The following KHDRBS3 variants were observed in gnomAD, a reference collection of about 807,000 sequenced individuals.
KHDRBS3 encodes KH domain-containing, RNA-binding, signal transduction-associated protein 3.
In KHDRBS3, 23 loss-of-function variants were observed where a neutral mutation model predicts 45.6. The ratio of observed to expected loss-of-function variants is 0.50; its 90% CI spans 0.36 to 0.72. KHDRBS3 has a LOEUF of 0.72. KHDRBS3 is among the 30% of genes least tolerant of loss of function. The pLI is 0.00. For missense variants in KHDRBS3, 352 were observed against 424.8 expected (o/e 0.83, Z 1.51); for synonymous variants, 162 against 156.5 (o/e 1.04, Z -0.26).
rs187352497 is a variant in KHDRBS3, at chr8:135,504,140, A to G, written c.89-17097A>G. ...AAGTGCTGGCCTGTGATTTGAATGT[A>G]TGTTTTTATTAGTTTTTATTACTTC... On this transcript the variant is annotated intron_variant, in intron 1 of 8. Coordinates refer to ENST00000355849, the MANE Select transcript of KHDRBS3 (RefSeq NM_006558.3). Among the ~76,000 whole-genome samples, 54 of 152,160 alleles carry G rather than the reference A, an allele frequency of 3.5e-4. 1 individual carries two copies. In the East Asian group the frequency reaches 7.9e-3, roughly 22 times the overall value.
rs187084096 is a variant in KHDRBS3 at position 135,502,091 on chromosome 8, T to A, written c.89-19146T>A. On this transcript the variant is annotated intron_variant, in intron 1 of 8. Transcript: ENST00000355849. ...TTTAAGTTGTTTAACCTTAATAATA[T>A]TTGACACTAAGTCATCAGAACAGAA... Among the ~76,000 whole-genome samples the A allele has an allele frequency of 3.3e-5, 5 of 152,338 alleles. No individual in the cohort carries two copies. In the East Asian group the frequency reaches 9.6e-4, roughly 29 times the overall value.
intron 5 of KHDRBS3, among the ~76,000 whole-genome samples, chr8:135,573,308 A>G (rs1323226129): frequency 6.6e-6 from 1 of 152,242 alleles, no homozygotes; most frequent in African/African-American, 2.4e-5. Flanking sequence ...AAAATTTAGT[A>G]TGTGTTTACA....
chr8:135,586,382 T>C (rs1769757554), intron 6 of KHDRBS3, among the ~76,000 whole-genome samples: 1 of 152,144 alleles, frequency 6.6e-6, no homozygotes, highest in African/African-American at 2.4e-5. Flanking sequence ...TCTCTTCATC[T>C]TTGGAGAAAG....
intron 6 of KHDRBS3, among the ~76,000 whole-genome samples, chr8:135,595,823 A>G (rs1828947698): frequency 6.6e-6 from 1 of 152,212 alleles, no homozygotes; most frequent in African/African-American, 2.4e-5. Flanking sequence ...CTGGGAACAC[A>G]GTGGTCGACA....
intron 2 of KHDRBS3, among the ~76,000 whole-genome samples, chr8:135,523,718 A>G (rs534155493): frequency 7.3e-4 from 111 of 152,304 alleles, no homozygotes; most frequent in African/African-American, 2.6e-3. Context: ...ATTAAGAACA[A>G]TATTAGTTAC....
intron 7 of KHDRBS3, among the ~76,000 whole-genome samples, chr8:135,614,845 G>A (rs1829852988): frequency 6.6e-6 from 1 of 151,846 alleles, no homozygotes; most frequent in South Asian, 2.1e-4. Flanking sequence ...CAGTAGATAC[G>A]TGGACCACTG....
intron 6 of KHDRBS3, among the ~76,000 whole-genome samples, chr8:135,605,915 T>TTTG (rs761817462): frequency 3.3e-5 from 5 of 152,176 alleles, no homozygotes; most frequent in Non-Finnish European, 5.9e-5. Context: ...GTCTCAGTTT[T>TTTG]TTGTTGTTGT....
At chr8:135,645,670 T>C (rs1831252219) in intron 8 of KHDRBS3, among the ~76,000 whole-genome samples, 1 of 152,224 alleles carries the variant, frequency 6.6e-6, no homozygotes, top group African/African-American at 2.4e-5. Context: ...GTGGAGCTGG[T>C]AGAGATGCTG....
intron 5 of KHDRBS3, among the ~76,000 whole-genome samples, chr8:135,575,729 C>T (rs574254974): frequency 3.9e-5 from 6 of 152,114 alleles, no homozygotes; most frequent in Admixed American, 1.3e-4. Flanking sequence ...AGAGAGTTTT[C>T]GTATATCCTG....
intron 1 of KHDRBS3, among the ~76,000 whole-genome samples, chr8:135,486,869 T>C (rs902861787): frequency 1.3e-5 from 2 of 152,228 alleles, no homozygotes; most frequent in Non-Finnish European, 2.9e-5. Context: ...CAAATACTTA[T>C]TTTAAAACAA....
At chr8:135,555,023 C>T (rs1283615775) in intron 4 of KHDRBS3, among the ~76,000 whole-genome samples, 1 of 152,102 alleles carries the variant, frequency 6.6e-6, no homozygotes, top group African/African-American at 2.4e-5. Flanking sequence ...ATTTCTGTGG[C>T]TTACTGCTAT....
chr8:135,478,064 A>C (rs1204704930), intron 1 of KHDRBS3, among the ~76,000 whole-genome samples: 1 of 152,160 alleles, frequency 6.6e-6, no homozygotes, highest in East Asian at 1.9e-4. Context: ...TCTAGGTTGC[A>C]TGCTCCTTAT....
intron 7 of KHDRBS3, among the ~76,000 whole-genome samples, chr8:135,628,768 C>A (rs1247532815): frequency 2.0e-5 from 3 of 152,126 alleles, no homozygotes; most frequent in African/African-American, 7.2e-5. Flanking sequence ...AATCTGTCTT[C>A]CTGAGTTTTC....
intron 7 of KHDRBS3, among the ~76,000 whole-genome samples, chr8:135,627,621 A>G (rs376268104): frequency 1.3e-5 from 2 of 152,208 alleles, no homozygotes; most frequent in South Asian, 4.1e-4. Flanking sequence ...CTGAGATATA[A>G]TGTACATACA....
At chr8:135,649,074 C>T (rs1278961803), downstream of KHDRBS3, among the ~76,000 whole-genome samples, 1 of 152,002 alleles carries the variant, frequency 6.6e-6, no homozygotes, top group Admixed American at 6.6e-5. Flanking sequence ...TTTTATGAAA[C>T]AAATGATAAG....
chr8:135,491,756 A>G (rs1353718768), intron 1 of KHDRBS3, among the ~76,000 whole-genome samples: 5 of 152,152 alleles, frequency 3.3e-5, no homozygotes, highest in African/African-American at 1.2e-4. Context: ...ATGTTTTATA[A>G]TAAGACAACG....
At chr8:135,646,387 C>G (rs1174348436) in intron 8 of KHDRBS3, among the ~76,000 whole-genome samples, 3 of 152,130 alleles carry the variant, frequency 2.0e-5, no homozygotes, top group African/African-American at 4.8e-5. Flanking sequence ...TGAAATCTGA[C>G]ATTATGTCGT....
chr8:135,547,056 G>A (rs752100468), intron 3 of KHDRBS3, among the ~76,000 whole-genome samples: 34 of 152,094 alleles, frequency 2.2e-4, no homozygotes, highest in African/African-American at 1.9e-4. Flanking sequence ...GTGCTTTCAG[G>A]GATGAATTGC....
At chr8:135,623,083 C>A (rs1830214600) in intron 7 of KHDRBS3, among the ~76,000 whole-genome samples, 1 of 152,152 alleles carries the variant, frequency 6.6e-6, no homozygotes, top group South Asian at 2.1e-4. Context: ...TGTTAGGTTC[C>A]ATGAAATTCT....
Sources: gnomAD v4.1 joint callset for allele counts (sites outside exome capture counted in the v4.1 genomes callset) on GRCh38, gnomAD v4.1.1 for gene constraint, MANE v1.5 for transcripts, NCBI Gene and HGNC (gene_info 2026-07-23, HGNC 2026-07-21) for gene names.